The following METTL21A variants were observed in gnomAD, a reference collection of about 807,000 sequenced individuals.
The protein encoded by METTL21A is methyltransferase 21A, HSPA lysine, also known as protein N-lysine methyltransferase METTL21A.
A neutral mutation model predicts 20.9 loss-of-function variants in METTL21A; 22 were observed. The observed-to-expected ratio is 1.05, with a 90% CI of 0.75 to 1.50. The LOEUF is 1.50. Ranked by LOEUF, METTL21A falls within the 40% of genes most tolerant of loss-of-function variation. The pLI, the probability that METTL21A is intolerant of heterozygous loss-of-function variation, is 0.00. For synonymous variants in METTL21A, 93 were observed against 102.0 expected, an observed-to-expected ratio of 0.91 and a Z score of 0.53; for missense variants, 271 against 266.8, an observed-to-expected ratio of 1.02 and a Z score of -0.11.
At chr2:207,603,278 CA>C (rs1361535120) in intron 3 of METTL21A, 12 of 221,356 alleles carry the variant, frequency 5.4e-5, no homozygotes, top group Non-Finnish European at 9.0e-5. Flanking sequence ...AGAATAGTAG[CA>C]GTTGCTTTGT....
chr2:207,617,403 A>G (rs2089914831), intron 3 of METTL21A, among the ~76,000 whole-genome samples: 3 of 152,228 alleles, frequency 2.0e-5, no homozygotes, highest in Admixed American at 2.0e-4. Flanking sequence ...TCCCAAAGGA[A>G]GGGAAATCTG....
At chr2:207,604,468 T>G (rs2087714224), downstream of METTL21A, among the ~76,000 whole-genome samples, 1 of 115,648 alleles carries the variant, frequency 8.6e-6, no homozygotes, top group Non-Finnish European at 1.8e-5. Context: ...TCTTCTTAAC[T>G]GTGCGTCCTA....
intron 3 of METTL21A, among the ~76,000 whole-genome samples, chr2:207,594,369 A>G (rs1306813857): frequency 1.3e-5 from 2 of 152,170 alleles, no homozygotes; most frequent in African/African-American, 4.8e-5. Context: ...CCGGTAAACA[A>G]CAACTCCCCA....
chr2:207,596,480 C>T (rs1057026138), intron 3 of METTL21A, among the ~76,000 whole-genome samples: 2 of 152,238 alleles, frequency 1.3e-5, no homozygotes, highest in African/African-American at 2.4e-5. Context: ...GTCACTCAGG[C>T]TGGAGTGCAG....
rs554301793 is a variant in METTL21A at position 207,621,866 on chromosome 2, G to A, written c.199C>T (p.Arg67Cys). The A allele has an allele frequency of 2.8e-5, 46 of 1,614,170 alleles. No homozygotes were observed. In the Middle Eastern group the frequency reaches 4.9e-4, roughly 17 times the overall value. ...CCAGCACCCAGCTCCACGGCAGAGC[G>A]GCCCCTGAGCTCCACAGCTCCCATC... Residue 67 changes from arginine (R) to cysteine (C), a missense_variant, in exon 3 of 4, where the codon CGC becomes TGC. Arg to Cys is a radical substitution (Grantham distance 180). Coordinates refer to ENST00000406927, the Ensembl canonical transcript of METTL21A.
chr2:207,591,432 G>GT (rs2085004620), intron 3 of METTL21A, among the ~76,000 whole-genome samples: 1 of 152,012 alleles, frequency 6.6e-6, no homozygotes, highest in Non-Finnish European at 1.5e-5. Context: ...GGTTTGTTTT[G>GT]TTTTTGTTTG....
intron 3 of METTL21A, among the ~76,000 whole-genome samples, chr2:207,582,708 A>G (rs532048441): frequency 6.6e-6 from 1 of 152,194 alleles, no homozygotes; most frequent in South Asian, 2.1e-4. Flanking sequence ...ATGGTGGCCA[A>G]TATGGTGAAA....
chr2:207,583,801 T>C (rs1376069336), intron 3 of METTL21A, among the ~76,000 whole-genome samples: 1 of 152,234 alleles, frequency 6.6e-6, no homozygotes, highest in African/African-American at 2.4e-5. Context: ...CTAACAGTTA[T>C]ATAATACTAA....
exon 2 of METTL21A, chr2:207,624,394 T>G (rs757537052): frequency 6.2e-7 from 1 of 1,610,234 alleles, no homozygotes; most frequent in Admixed American, 1.7e-5. Context: ...CACCCCGCCC[T>G]CTGCTCAGAC....
At chr2:207,625,875 C>G (rs1052628255), upstream of METTL21A, 8 of 152,302 alleles carry the variant, frequency 5.3e-5, no homozygotes, top group African/African-American at 1.9e-4. Flanking sequence ...TAATAGCCCG[C>G]TTGGCGGCAA....
At chr2:207,586,458 A>C (rs958717672) in intron 3 of METTL21A, among the ~76,000 whole-genome samples, 45 of 152,340 alleles carry the variant, frequency 3.0e-4, no homozygotes, top group African/African-American at 1.1e-3. Context: ...AAACTCTTAG[A>C]CTACTAGAAG....
intron 3 of METTL21A, among the ~76,000 whole-genome samples, chr2:207,589,583 C>T (rs1346705646): frequency 6.6e-6 from 1 of 152,212 alleles, no homozygotes; most frequent in Admixed American, 6.5e-5. Context: ...AATGTAATAG[C>T]TGTAGGGTCT....
intron 3 of METTL21A, chr2:207,600,844 A>G (rs989605478): frequency 4.9e-6 from 1 of 205,860 alleles, no homozygotes; most frequent in Non-Finnish European, 9.9e-6. Context: ...GACATGTGGA[A>G]TCATACAAAG....
At chr2:207,608,355 T>C (rs1230237435), downstream of METTL21A, among the ~76,000 whole-genome samples, 1 of 152,064 alleles carries the variant, frequency 6.6e-6, no homozygotes, top group Non-Finnish European at 1.5e-5. Context: ...TGCAACAACA[T>C]TCTAAGTCCA....
chr2:207,595,201 G>A (rs1317610218), intron 3 of METTL21A, among the ~76,000 whole-genome samples: 4 of 151,528 alleles, frequency 2.6e-5, no homozygotes, highest in Admixed American at 2.6e-4. Context: ...TCACCATGTT[G>A]GCCAGGCTGG....
downstream of METTL21A, among the ~76,000 whole-genome samples, chr2:207,606,284 C>T (rs1490699889): frequency 1.3e-5 from 2 of 152,138 alleles, no homozygotes; most frequent in Admixed American, 1.3e-4. Flanking sequence ...AGTTCGAGAC[C>T]AGCCTGACCA....
chr2:207,625,410 A>C (rs1202413536), upstream of METTL21A: 1 of 151,668 alleles, frequency 6.6e-6, no homozygotes, highest in Admixed American at 6.6e-5. Flanking sequence ...CCCGGCACCC[A>C]GCCTCCGGCA....
At chr2:207,587,164 C>T (rs1462202571) in intron 3 of METTL21A, among the ~76,000 whole-genome samples, 4 of 152,042 alleles carry the variant, frequency 2.6e-5, no homozygotes, top group Admixed American at 2.0e-4. Context: ...GAGGCCAAGG[C>T]GGGTGGATCA....
At chr2:207,620,777 T>C in intron 3 of METTL21A, 1 of 1,325,574 alleles carries the variant, frequency 7.5e-7, no homozygotes, top group Non-Finnish European at 1.0e-6. Flanking sequence ...CTGTCGAATT[T>C]TGGAAAGCAG....
Sources: gnomAD v4.1 joint callset for allele counts (sites outside exome capture counted in the v4.1 genomes callset) on GRCh38, gnomAD v4.1.1 for gene constraint, MANE v1.5 for transcripts, NCBI Gene and HGNC (gene_info 2026-07-23, HGNC 2026-07-21) for gene names.